Variants in MTR observed in about 807,000 individuals in gnomAD.
MTR encodes methionine synthase.
MTR carries 84 observed loss-of-function variants against 154.8 expected under a neutral mutation model. That is an observed-to-expected ratio of 0.54 (90% CI 0.45 to 0.65). MTR has a LOEUF of 0.65. MTR is among the 30% of genes least tolerant of loss of function. MTR has a pLI of 0.00. For synonymous variants in MTR, 554 were observed against 553.9 expected, an observed-to-expected ratio of 1.00 and a Z score of 0.00; for missense variants, 1,275 against 1,570.2, an observed-to-expected ratio of 0.81 and a Z score of 3.18.
chr1:236,828,611 C>T (rs184927052), intron 11 of MTR, among the ~76,000 whole-genome samples: 18 of 152,114 alleles, frequency 1.2e-4, no homozygotes, highest in African/African-American at 3.6e-4. Flanking sequence ...AAAGGGAGTG[C>T]GAATGACTAA....
At position 236,831,955 on chromosome 1, in the gene MTR, C is replaced by T. The variant is rs186367553; in HGVS notation, c.1076-11C>T. The T allele has an allele frequency of 9.9e-5, 160 of 1,609,126 alleles. 2 individuals are homozygous for T. The Admixed American group carries it at 2.6e-3, about 26-fold the overall frequency. On this transcript the variant is annotated splice_polypyrimidine_tract_variant and intron_variant, in intron 12 of 32. Transcript: ENST00000366577. ...TTTGCAGAAATTTTTCAAAATGCTT[C>T]TCCTTTTAAGGTCTAGAGCCCTTCA...
chr1:236,831,836 G>A (rs919648381), intron 12 of MTR, 130 bp from the exon 13 acceptor site: 20 of 707,644 alleles, frequency 2.8e-5, no homozygotes, highest in Non-Finnish European at 4.3e-5. Flanking sequence ...TTTCCACATT[G>A]GATCTCCTAT....
At chr1:236,859,023 C>G (rs1177960161) in intron 18 of MTR, among the ~76,000 whole-genome samples, 1 of 152,214 alleles carries the variant, frequency 6.6e-6, no homozygotes, top group African/African-American at 2.4e-5. Context: ...TCTTTCTTTA[C>G]ATATTTTCTA....
At chr1:236,818,193 A>G (rs531882752) in intron 8 of MTR, among the ~76,000 whole-genome samples, 1 of 152,354 alleles carries the variant, frequency 6.6e-6, no homozygotes, top group South Asian at 2.1e-4. Flanking sequence ...AAAACCCACA[A>G]AATATACAAA....
intron 6 of MTR, among the ~76,000 whole-genome samples, chr1:236,814,925 G>A (rs1246596099): frequency 6.6e-6 from 1 of 152,122 alleles, no homozygotes; most frequent in East Asian, 1.9e-4. Flanking sequence ...ATTAATTACA[G>A]GTTGCATTCT....
intron 32 of MTR, among the ~76,000 whole-genome samples, 196 bp downstream of exon 32, chr1:236,897,314 A>ACG (rs1389522645): frequency 2.5e-5 from 2 of 80,836 alleles, no homozygotes; most frequent in African/African-American, 8.9e-5. Context: ...ACACACGCAC[A>ACG]CACACACACA....
intron 1 of MTR, among the ~76,000 whole-genome samples, chr1:236,798,540 A>G (rs1660531267): frequency 6.6e-6 from 1 of 152,250 alleles, no homozygotes; most frequent in African/African-American, 2.4e-5. Context: ...AACTGGAGAA[A>G]ATACTGTGTG....
chr1:236,827,244 G>A (rs553576803), intron 11 of MTR, among the ~76,000 whole-genome samples: 1 of 151,604 alleles, frequency 6.6e-6, no homozygotes, highest in African/African-American at 2.4e-5. Context: ...CCTGCCTGAC[G>A]CCTTCAACTC....
intron 15 of MTR, among the ~76,000 whole-genome samples, chr1:236,842,459 G>A (rs1246406794): frequency 1.3e-5 from 2 of 151,952 alleles, no homozygotes; most frequent in Admixed American, 1.3e-4. Flanking sequence ...TTTCTTTCCT[G>A]TTTTCCAACT....
At chr1:236,888,043 T>C (rs180997228) in intron 27 of MTR, among the ~76,000 whole-genome samples, 1 of 152,148 alleles carries the variant, frequency 6.6e-6, no homozygotes, top group African/African-American at 2.4e-5. Context: ...AGTAGAAGGA[T>C]GATGAGGAAC....
intron 1 of MTR, among the ~76,000 whole-genome samples, chr1:236,798,350 G>C (rs1373295808): frequency 6.6e-6 from 1 of 152,218 alleles, no homozygotes; most frequent in East Asian, 1.9e-4. Flanking sequence ...CTTTAGGCTA[G>C]TTCTTAAAGG....
At chr1:236,808,058 GA>G (rs1661084793) in intron 3 of MTR, among the ~76,000 whole-genome samples, 1 of 152,146 alleles carries the variant, frequency 6.6e-6, no homozygotes, top group African/African-American at 2.4e-5. Flanking sequence ...GAATTCAAAG[GA>G]ACTTGAAAAT....
At chr1:236,801,792 A>G (rs1660714095) in intron 1 of MTR, among the ~76,000 whole-genome samples, 1 of 152,174 alleles carries the variant, frequency 6.6e-6, no homozygotes, top group Non-Finnish European at 1.5e-5. Flanking sequence ...TCAGTCTGAT[A>G]TGCTATAGGG....
At chr1:236,809,774 C>T (rs1661195831) in intron 4 of MTR, among the ~76,000 whole-genome samples, 1 of 152,092 alleles carries the variant, frequency 6.6e-6, no homozygotes, top group African/African-American at 2.4e-5. Context: ...TATTGAGTGG[C>T]TAAAGTCATC....
chr1:236,894,372 G>T lies in MTR; in HGVS notation c.3220G>T (p.Ala1074Ser). 1 of 1,614,194 alleles carries T rather than the reference G, an allele frequency of 6.2e-7. No homozygotes were observed. The highest frequency in any genetic ancestry group is 1.3e-5 in the African/African-American group (1 of 75,040). Residue 1074 changes from alanine to serine, a missense_variant, in exon 30 of 33, where the codon GCC becomes TCC. Ala to Ser is a moderately conservative substitution (Grantham distance 99, BLOSUM62 1). Transcript: ENST00000366577. ...GLRQQAEKDS[A>S]STEPYYCLSD... ...TGGTTTTAAGGCTGAGAAGGACTCT[G>T]CCAGCACGGAGCCATACTACTGCCT...
chr1:236,851,510 A>T (rs1172004731), intron 16 of MTR, among the ~76,000 whole-genome samples: 1 of 152,206 alleles, frequency 6.6e-6, no homozygotes, highest in African/African-American at 2.4e-5. Context: ...TAAATATTAG[A>T]TACAGCATCT....
chr1:236,859,288 C>T (rs959684582), intron 18 of MTR, among the ~76,000 whole-genome samples: 3 of 152,202 alleles, frequency 2.0e-5, no homozygotes, highest in Non-Finnish European at 2.9e-5. Flanking sequence ...ATTAATCCAG[C>T]CGTCATAAAT....
intron 19 of MTR, 64 bp from the exon 20 acceptor site, chr1:236,861,061 T>C (rs529594025): frequency 3.3e-5 from 47 of 1,437,774 alleles, no homozygotes; most frequent in Middle Eastern, 2.5e-4. Context: ...GGTAAGGCAG[T>C]TTTTTAGGTG....
intron 8 of MTR, among the ~76,000 whole-genome samples, chr1:236,817,302 T>C (rs1441450003): frequency 6.6e-6 from 1 of 151,902 alleles, no homozygotes; most frequent in African/African-American, 2.4e-5. Flanking sequence ...CTTCCCCCTT[T>C]CCCCCCTTTC....
Sources: allele counts gnomAD v4.1 joint callset (sites outside exome capture counted in the v4.1 genomes callset), GRCh38; gene constraint gnomAD v4.1.1; transcripts MANE v1.5; gene names NCBI Gene and HGNC (gene_info 2026-07-23, HGNC 2026-07-21).